The following KIAA0586 variants were observed in gnomAD, a reference collection of about 807,000 sequenced individuals.
KIAA0586 encodes protein TALPID3.
KIAA0586 carries 144 observed loss-of-function variants against 169.8 expected under a neutral mutation model. That is an observed-to-expected ratio of 0.85 (90% CI 0.74 to 0.97). The LOEUF (loss-of-function observed/expected upper bound fraction) is 0.97. Among genes scored for constraint, KIAA0586 ranks in the 50% least tolerant of loss-of-function variants. The pLI is 0.00. For missense variants in KIAA0586, 1,854 were observed against 1,823.0 expected (o/e 1.02, Z -0.31); for synonymous variants, 625 against 612.4 (o/e 1.02, Z -0.30).
chr14:58,450,080 A>G (rs748544365), intron 7 of KIAA0586, among the ~76,000 whole-genome samples: 5 of 152,118 alleles, frequency 3.3e-5, no homozygotes, highest in East Asian at 1.9e-4. Flanking sequence ...TTGAATAACT[A>G]TTTTACAATC....
rs918421103 is a variant in KIAA0586 at position 58,548,136 on chromosome 14, G to A, written c.*204G>A. The A allele has an allele frequency of 9.0e-6, 5 of 553,158 alleles. No individual in the cohort carries two copies. The South Asian group carries it at 1.6e-4, about 18-fold the overall frequency. The allele number at this position is 553,158 out of a possible 1,614,324, so 34.3% of individuals were successfully genotyped here. A position where few individuals can be genotyped will look rare whatever the true frequency, so the allele number is the denominator to read the frequency against. ...TATAAGTCATTATAAGTCTGATTGT[G>A]AGTTGTTTCTTAGAATCCTGAGATA... On this transcript the variant is annotated 3_prime_UTR_variant, in exon 31 of 31. Coordinates refer to ENST00000652326, the MANE Select transcript of KIAA0586 (RefSeq NM_001329943.3).
At chr14:58,558,597 G>A in the KIAA0586 span, among the ~76,000 whole-genome samples, 1 of 152,198 alleles carries the variant, frequency 6.6e-6, no homozygotes, top group Non-Finnish European at 1.5e-5. Flanking sequence ...TATGAAACAA[G>A]CAAGCACTGA....
intron 29 of KIAA0586, 33 bp from the exon 30 acceptor site, chr14:58,540,038 G>T: frequency 7.6e-7 from 1 of 1,311,066 alleles, no homozygotes; most frequent in South Asian, 1.3e-5. Flanking sequence ...ATGCTTAACT[G>T]ATTTTCTTCT....
At chr14:58,555,919 T>C (rs758999157), downstream of KIAA0586, among the ~76,000 whole-genome samples, 3 of 151,472 alleles carry the variant, frequency 2.0e-5, no homozygotes, top group Non-Finnish European at 4.4e-5. Context: ...AAAAGCTACT[T>C]GTTTAGCATT....
At chr14:58,429,203 G>C (rs1176446011) in intron 1 of KIAA0586, among the ~76,000 whole-genome samples, 160 bp from the exon 2 acceptor site, 1 of 152,100 alleles carries the variant, frequency 6.6e-6, no homozygotes, top group African/African-American at 2.4e-5. Flanking sequence ...CTTTCATTCA[G>C]ATATGTTTAA....
At chr14:58,537,678 C>T (rs946924423) in intron 29 of KIAA0586, among the ~76,000 whole-genome samples, 3 of 151,836 alleles carry the variant, frequency 2.0e-5, no homozygotes, top group Admixed American at 6.6e-5. Context: ...GACGGAGACT[C>T]GCTCTGTCAC....
chr14:58,547,906 G>A lies in KIAA0586; in HGVS notation c.4621G>A (p.Glu1541Lys). The A allele has an allele frequency of 1.2e-6, 2 of 1,613,706 alleles. No individual in the cohort carries two copies. The highest frequency in any genetic ancestry group is 1.1e-5 in the South Asian group (1 of 91,054). ...LSLSTMQEDM[E>K]SSGADTF Reference sequence around the variant, plus strand: ...TCTCAGCACAATGCAGGAGGACATGGAGTCTTCGGGGGCAGATACCTTCTG... The same window carrying A: ...TCTCAGCACAATGCAGGAGGACATGAAGTCTTCGGGGGCAGATACCTTCTG... Residue 1541 changes from glutamate (E) to lysine (K), a missense_variant, in exon 31 of 31, where the codon GAG becomes AAG. Glu to Lys is a moderately conservative substitution (Grantham distance 56). Transcript: ENST00000652326.
intron 26 of KIAA0586, among the ~76,000 whole-genome samples, chr14:58,494,148 T>A (rs1247968328): frequency 6.6e-6 from 1 of 151,960 alleles, no homozygotes; most frequent in Non-Finnish European, 1.5e-5. Flanking sequence ...TCTAGAACTC[T>A]TATTTCCAGA....
At chr14:58,440,806 A>G (rs979034461) in intron 4 of KIAA0586, among the ~76,000 whole-genome samples, 2 of 152,192 alleles carry the variant, frequency 1.3e-5, no homozygotes, top group Non-Finnish European at 2.9e-5. Flanking sequence ...TCAGACTTAT[A>G]GAAGCAGAAA....
intron 25 of KIAA0586, among the ~76,000 whole-genome samples, chr14:58,490,685 C>A (rs79151261): frequency 0.014 from 2,114 of 152,026 alleles, 56 homozygotes; most frequent in African/African-American, 0.048. Context: ...GATGTTAACC[C>A]TTTCTAGTTT....
chr14:58,435,130 C>T (rs1326153652), intron 4 of KIAA0586, among the ~76,000 whole-genome samples: 4 of 152,054 alleles, frequency 2.6e-5, no homozygotes, highest in Non-Finnish European at 5.9e-5. Context: ...AAGCCTAGCA[C>T]GTCTAATAAT....
intron 27 of KIAA0586, among the ~76,000 whole-genome samples, chr14:58,502,465 C>T (rs1273009077): frequency 6.6e-6 from 1 of 152,114 alleles, no homozygotes; most frequent in African/African-American, 2.4e-5. Flanking sequence ...AACCTAATCT[C>T]CAAAGTGACA....
intron 26 of KIAA0586, among the ~76,000 whole-genome samples, chr14:58,497,172 C>T (rs930159937): frequency 6.6e-6 from 1 of 151,812 alleles, no homozygotes; most frequent in Non-Finnish European, 1.5e-5. Context: ...GGGTTTTTGC[C>T]ATGTTGATCA....
intron 27 of KIAA0586, among the ~76,000 whole-genome samples, chr14:58,502,086 A>G (rs1442789489): frequency 6.6e-6 from 1 of 152,162 alleles, no homozygotes; most frequent in African/African-American, 2.4e-5. Context: ...GTGGTAGCAG[A>G]CATCTCCCAA....
chr14:58,543,368 G>A (rs559074528), intron 30 of KIAA0586, among the ~76,000 whole-genome samples: 2 of 152,256 alleles, frequency 1.3e-5, no homozygotes, highest in Non-Finnish European at 2.9e-5. Flanking sequence ...TGGCCAGTGA[G>A]GTTAGACCCT....
At chr14:58,435,278 T>A (rs917785724) in intron 4 of KIAA0586, among the ~76,000 whole-genome samples, 1 of 152,252 alleles carries the variant, frequency 6.6e-6, no homozygotes, top group South Asian at 2.1e-4. Flanking sequence ...TAAGAAAATA[T>A]ATGTGGCAAG....
chr14:58,511,587 C>G (rs1388650232), intron 28 of KIAA0586, among the ~76,000 whole-genome samples: 1 of 152,160 alleles, frequency 6.6e-6, no homozygotes, highest in African/African-American at 2.4e-5. Context: ...AGAGGTAGTC[C>G]TAGTACCCAT....
intron 29 of KIAA0586, among the ~76,000 whole-genome samples, chr14:58,513,091 T>C (rs2044505436): frequency 6.6e-6 from 1 of 152,078 alleles, no homozygotes; most frequent in Admixed American, 6.6e-5. Context: ...CATAGTTCTT[T>C]ATCAAACTCG....
rs757196467 is a variant in KIAA0586 at position 58,457,792 on chromosome 14, G to C, written c.1396G>C (p.Asp466His). 6.2e-7 allele frequency: 1 copy of C among 1,604,950 alleles called. No individual in the cohort carries two copies. The highest frequency in any genetic ancestry group is 1.7e-5 in the Admixed American group (1 of 58,990). The stretch of plus-strand genomic sequence containing the variant: ...ATCTCTGAGTATGTTGAAGCTTCCA[G>C]ATCTTCCACAGAATTCTGTTAAGCT... ...KESLSMLKLPDLPQNSVKLQT... is the reference protein window; with the variant it reads ...KESLSMLKLPHLPQNSVKLQT... Residue 466 changes from aspartate to histidine, a missense_variant, in exon 11 of 31, where the codon GAT becomes CAT. Transcript: ENST00000652326.
Sources: allele counts gnomAD v4.1 joint callset (sites outside exome capture counted in the v4.1 genomes callset), GRCh38; gene constraint gnomAD v4.1.1; transcripts MANE v1.5; gene names NCBI Gene and HGNC (gene_info 2026-07-23, HGNC 2026-07-21).